Variants in OSR1 observed in about 807,000 individuals in gnomAD.
The protein encoded by OSR1 is protein odd-skipped-related 1.
Under a neutral mutation model 15.7 loss-of-function variants are expected in OSR1, and 3 were observed. The observed-to-expected ratio is 0.19, with a 90% CI of 0.09 to 0.50. The LOEUF is 0.50. Ranked by LOEUF, OSR1 falls within the 20% of genes least tolerant of loss-of-function variation. The pLI, the probability that OSR1 is intolerant of heterozygous loss-of-function variation, is 0.97. For missense variants in OSR1, 271 were observed against 351.1 expected, an observed-to-expected ratio of 0.77 and a Z score of 1.82; for synonymous variants, 166 against 152.7, an observed-to-expected ratio of 1.09 and a Z score of -0.64.
Position 19,352,130 on chromosome 2 carries a change from G to A in OSR1, c.*145C>T, listed in dbSNP as rs1294321894. The A allele has an allele frequency of 4.4e-6, 4 of 908,604 alleles. No homozygotes were observed. Among genetic ancestry groups the A allele is most frequent in the South Asian group, 2.1e-5 (1 of 47,512 alleles). 56.3% of individuals were successfully genotyped at this position (908,604 alleles called of 1,614,324 possible). On this transcript the variant is annotated 3_prime_UTR_variant, in exon 3 of 3. Transcript: ENST00000272223. ...CCCGGGCGGGGCTCTGAAGTGCCGCGTGCGCCAGGGACCCAGGGGACAATG... is the reference window on the plus strand; with the variant it reads ...CCCGGGCGGGGCTCTGAAGTGCCGCATGCGCCAGGGACCCAGGGGACAATG...
chr2:19,353,567 A>C lies in OSR1; in HGVS notation c.239T>G (p.Val80Gly). The C allele has an allele frequency of 6.2e-7, 1 of 1,614,206 alleles. No individual in the cohort carries two copies. Among genetic ancestry groups the C allele is most frequent in the Non-Finnish European group, 8.5e-7 (1 of 1,180,022 alleles). Residue 80 changes from valine to glycine, a missense_variant, in exon 2 of 3, where the codon GTG becomes GGG. Physicochemically the swap from Val to Gly is moderately radical, Grantham distance 109. Around this residue, in one of 4 missense-constraint regions of OSR1, gnomAD observed 210 missense variants for 218.4 expected, o/e 0.96. Transcript: ENST00000272223. ...GGCGGGCAGCTGGAAGCGCGCATCC[A>C]CCAAGCTGGACACCGTGCCCGGCAC... ...SKVPGTVSSL[V>G]DARFQLPAFP...
At position 19,353,410 on chromosome 2, in the gene OSR1, G is replaced by A. The variant is rs757656009; in HGVS notation, c.396C>T (p.Ala132=). ...CTGGGCCCTCCCCGCGACCGAGCTTGGCCGGATCTTCTTGCGTTGCTGCCA... is the reference window on the plus strand; with the variant it reads ...CTGGGCCCTCCCCGCGACCGAGCTTAGCCGGATCTTCTTGCGTTGCTGCCA... ...LALAATQEDP[A]KLGRGEGPGS... Residue 132 remains alanine (A), a synonymous_variant, in exon 2 of 3, where the codon GCC becomes GCT. Transcript: ENST00000272223. 5.0e-6 allele frequency: 8 copies of A among 1,614,014 alleles called. No individual in the cohort carries two copies. In the Admixed American group the frequency reaches 1.2e-4, roughly 24 times the overall value.
Position 19,353,128 on chromosome 2 carries a change from CGCAG to C in OSR1, c.665+9_665+12del. On this transcript the variant is annotated intron_variant, in intron 2 of 2. Coordinates refer to ENST00000272223, the MANE Select transcript of OSR1 (RefSeq NM_145260.3). The stretch of plus-strand genomic sequence containing the variant: ...GCAGAGAGCTCTCTCTTGCGCCACC[CGCAG>C]TGCCGCACCTGTGGTCTCGCAGGTG... 1 of 1,611,660 alleles carries C rather than the reference CGCAG, an allele frequency of 6.2e-7. No individual in the cohort carries two copies. The highest frequency in any genetic ancestry group is 1.1e-5 in the South Asian group (1 of 91,024).
In OSR1 at chr2:19,353,293, G is replaced by T. The variant is rs1664875366; in HGVS notation, c.513C>A (p.Thr171=). 1.2e-6 allele frequency: 2 copies of T among 1,614,118 alleles called. No individual in the cohort carries two copies. Among genetic ancestry groups the T allele is most frequent in the African/African-American group, 1.3e-5 (1 of 74,942 alleles). The part of the protein sequence containing the change: ...KPTRGRLPSK[T]KKEFVCKFCG... ...AGAACTTGCAGACGAATTCCTTCTTGGTCTTGGAAGGCAGACGTCCCCTTG... is the reference window on the plus strand; with the variant it reads ...AGAACTTGCAGACGAATTCCTTCTTTGTCTTGGAAGGCAGACGTCCCCTTG... The change falls in exon 2 of 3, where the codon ACC becomes ACA. Residue 171 remains threonine, a synonymous_variant. Coordinates refer to ENST00000272223, the MANE Select transcript of OSR1 (RefSeq NM_145260.3).
chr2:19,351,731 G>C lies in OSR1; in HGVS notation c.*544C>G, dbSNP rs1232049237. On this transcript the variant is annotated 3_prime_UTR_variant, in exon 3 of 3. Coordinates refer to ENST00000272223, the MANE Select transcript of OSR1 (RefSeq NM_145260.3). ...AGCTGAGCTGCAAGAGCTGGGAGGGGGCTGCCCCGCGGTCCCTAGGGCAGG... is the reference window on the plus strand; with the variant it reads ...AGCTGAGCTGCAAGAGCTGGGAGGGCGCTGCCCCGCGGTCCCTAGGGCAGG... 6.5e-6 allele frequency: 1 copy of C among 152,694 alleles called. No homozygotes were observed. The highest frequency in any genetic ancestry group is 1.5e-5 in the Non-Finnish European group (1 of 68,158). 9.5% of individuals were successfully genotyped at this position (152,694 alleles called of 1,614,324 possible). A position where few individuals can be genotyped will look rare whatever the true frequency, so the allele number is the denominator to read the frequency against.
chr2:19,347,666 G>A (rs919504457), downstream of OSR1, among the ~76,000 whole-genome samples: 1 of 152,202 alleles, frequency 6.6e-6, no homozygotes, highest in African/African-American at 2.4e-5. Context: ...CGTTCCACCG[G>A]GCTGAAGACC....
In OSR1 at chr2:19,352,140, G is replaced by C; in HGVS notation, c.*135C>G. ...GCTCTGAAGTGCCGCGTGCGCCAGGGACCCAGGGGACAATGTTGGAGAGGT... is the reference window on the plus strand; with the variant it reads ...GCTCTGAAGTGCCGCGTGCGCCAGGCACCCAGGGGACAATGTTGGAGAGGT... On this transcript the variant is annotated 3_prime_UTR_variant, in exon 3 of 3. Coordinates refer to ENST00000272223, the MANE Select transcript of OSR1 (RefSeq NM_145260.3). The C allele has an allele frequency of 9.8e-7, 1 of 1,015,360 alleles. No individual in the cohort carries two copies. The highest frequency in any genetic ancestry group is 1.4e-6 in the Non-Finnish European group (1 of 722,854). The allele number at this position is 1,015,360 out of a possible 1,614,324, so 62.9% of individuals were successfully genotyped here.
chr2:19,355,800 C>T (rs1664937425), intron 1 of OSR1: 1 of 152,214 alleles, frequency 6.6e-6, no homozygotes, highest in African/African-American at 2.4e-5. Context: ...GCGCCAAGCT[C>T]GGGTCGTGCC....
chr2:19,352,114 G>A lies in OSR1; in HGVS notation c.*161C>T. 2.7e-6 allele frequency: 2 copies of A among 738,228 alleles called. No homozygotes were observed. The highest frequency in any genetic ancestry group is 4.1e-6 in the Non-Finnish European group (2 of 489,976). The allele number at this position is 738,228 out of a possible 1,614,324, so 45.7% of individuals were successfully genotyped here. Reference sequence around the variant, plus strand: ...CGGTCGGGGTCGCGGCCCCGGGCGGGGCTCTGAAGTGCCGCGTGCGCCAGG... The same window carrying A: ...CGGTCGGGGTCGCGGCCCCGGGCGGAGCTCTGAAGTGCCGCGTGCGCCAGG... On this transcript the variant is annotated 3_prime_UTR_variant, in exon 3 of 3. Transcript: ENST00000272223.
At chr2:19,354,232 CT>C in intron 1 of OSR1, 1 of 173,074 alleles carries the variant, frequency 5.8e-6, no homozygotes, top group African/African-American at 2.4e-5. Context: ...ATAACAGGAG[CT>C]GGGGAACATA....
chr2:19,353,903 C>T (rs1664895714), intron 1 of OSR1, 66 bp from the exon 2 acceptor site: 2 of 1,312,200 alleles, frequency 1.5e-6, no homozygotes, highest in Admixed American at 2.5e-5. Flanking sequence ...GGTCGCCTTC[C>T]TCCTGAATTC....
At chr2:19,352,579 T>C (rs760614164) in intron 2 of OSR1, among the ~76,000 whole-genome samples, 169 bp from the exon 3 acceptor site, 3 of 151,652 alleles carry the variant, frequency 2.0e-5, no homozygotes, top group Non-Finnish European at 2.9e-5. Context: ...AGTGGGGAGG[T>C]AAAGGAGATG....
the OSR1 span, among the ~76,000 whole-genome samples, chr2:19,345,389 C>A: frequency 6.6e-6 from 1 of 151,834 alleles, no homozygotes; most frequent in African/African-American, 2.4e-5. Context: ...ATGCCTATGT[C>A]CTGAATGGTA....
In OSR1 at chr2:19,353,459, C is replaced by G; in HGVS notation, c.347G>C (p.Arg116Pro). The G allele has an allele frequency of 1.2e-6, 2 of 1,613,992 alleles. No homozygotes were observed. Among genetic ancestry groups the G allele is most frequent in the Non-Finnish European group, 1.7e-6 (2 of 1,179,852 alleles). ...CAAGGCCAGGTTGGCAAAATCAAAG[C>G]GCGGCTTGGTCTTGAGCGCTGGAAC... ...GSVPALKTKP[R>P]FDFANLALAA... The change falls in exon 2 of 3, where the codon CGC becomes CCC. Residue 116 changes from arginine to proline, a missense_variant. Coordinates refer to ENST00000272223, the MANE Select transcript of OSR1 (RefSeq NM_145260.3).
chr2:19,353,440 C>T lies in OSR1; in HGVS notation c.366G>A (p.Leu122=). The T allele has an allele frequency of 6.2e-7, 1 of 1,614,004 alleles. No homozygotes were observed. The highest frequency in any genetic ancestry group is 8.5e-7 in the Non-Finnish European group (1 of 1,179,852). ...KTKPRFDFAN[L]ALAATQEDPA... ...GATCTTCTTGCGTTGCTGCCAAGGC[C>T]AGGTTGGCAAAATCAAAGCGCGGCT... The change falls in exon 2 of 3, where the codon CTG becomes CTA. Residue 122 remains leucine, a synonymous_variant. Transcript: ENST00000272223.
chr2:19,345,707 G>T, the OSR1 span, among the ~76,000 whole-genome samples: 1 of 152,144 alleles, frequency 6.6e-6, no homozygotes, highest in Non-Finnish European at 1.5e-5. Flanking sequence ...CCAACGATAA[G>T]GTCATGGAGA....
chr2:19,353,469 T>G lies in OSR1; in HGVS notation c.337A>C (p.Thr113Pro). ...TAGGSVPALK[T>P]KPRFDFANLA... ...TTGGCAAAATCAAAGCGCGGCTTGG[T>G]CTTGAGCGCTGGAACGCTGCCTCCA... The change falls in exon 2 of 3, where the codon ACC becomes CCC. Residue 113 changes from threonine (T) to proline (P), a missense_variant. Around this residue, in one of 4 missense-constraint regions of OSR1, gnomAD observed 210 missense variants for 218.4 expected, o/e 0.96. Coordinates refer to ENST00000272223, the MANE Select transcript of OSR1 (RefSeq NM_145260.3). 6.2e-7 allele frequency: 1 copy of G among 1,614,088 alleles called. No individual in the cohort carries two copies. Among genetic ancestry groups the G allele is most frequent in the Non-Finnish European group, 8.5e-7 (1 of 1,179,950 alleles).
At position 19,352,179 on chromosome 2, in the gene OSR1, C is replaced by A; in HGVS notation, c.*96G>T. The A allele has an allele frequency of 1.3e-5, 18 of 1,404,022 alleles. No homozygotes were observed. The highest frequency in any genetic ancestry group is 1.8e-5 in the Non-Finnish European group (18 of 1,026,916). The allele number at this position is 1,404,022 out of a possible 1,614,324, so 87.0% of individuals were successfully genotyped here. A position where few individuals can be genotyped will look rare whatever the true frequency, so the allele number is the denominator to read the frequency against. ...TGTTGGAGAGGTGGAAGGTCCCGAG[C>A]GAGCGCCTCTCCCGCTGCCCGCCAG... On this transcript the variant is annotated 3_prime_UTR_variant, in exon 3 of 3. Coordinates refer to ENST00000272223, the MANE Select transcript of OSR1 (RefSeq NM_145260.3).
At chr2:19,351,074 C>A (rs980382543), downstream of OSR1, among the ~76,000 whole-genome samples, 6 of 152,136 alleles carry the variant, frequency 3.9e-5, no homozygotes, top group Non-Finnish European at 8.8e-5. Context: ...AGGAGGGAGG[C>A]CTTCGGTTAG....
Sources: gnomAD v4.1 joint callset for allele counts (sites outside exome capture counted in the v4.1 genomes callset) on GRCh38, gnomAD v4.1.1 for gene constraint, gnomAD v4.1.1 regional missense constraint, MANE v1.5 for transcripts, NCBI Gene and HGNC (gene_info 2026-07-23, HGNC 2026-07-21) for gene names.